Variants in CSMD1 observed in about 807,000 individuals in gnomAD.
CSMD1 encodes CUB and Sushi multiple domains 1.
Under a neutral mutation model 417.5 loss-of-function variants are expected in CSMD1, and 213 were observed. That is an observed-to-expected ratio of 0.51 (90% CI 0.46 to 0.57). The LOEUF is 0.57. CSMD1 is among the 20% of genes least tolerant of loss of function. The pLI, the probability that CSMD1 is intolerant of heterozygous loss-of-function variation, is 0.00. For missense variants in CSMD1, 6,923 were observed against 4,529.7 expected (o/e 1.53, Z -15.17); for synonymous variants, 2,862 against 1,736.8 (o/e 1.65, Z -16.11).
At chr8:3,660,958 G>A (rs73661613) in intron 7 of CSMD1, among the ~76,000 whole-genome samples, 22,587 of 152,194 alleles carry the variant, frequency 0.15, 2,222 homozygotes, top group East Asian at 0.37. Context: ...ACTGACAGGT[G>A]TGAAGCAGAG....
intron 3 of CSMD1, among the ~76,000 whole-genome samples, chr8:4,041,398 A>G (rs928084773): frequency 2.6e-5 from 4 of 152,190 alleles, no homozygotes; most frequent in African/African-American, 9.7e-5. Flanking sequence ...GTTAAATGCA[A>G]ATCAAGCTTA....
intron 5 of CSMD1, among the ~76,000 whole-genome samples, chr8:3,786,390 G>A (rs1256794792): frequency 2.0e-5 from 3 of 152,078 alleles, no homozygotes; most frequent in African/African-American, 7.2e-5. Context: ...AGAGTGAGAA[G>A]AAGAGGATCG....
intron 3 of CSMD1, among the ~76,000 whole-genome samples, chr8:4,363,444 G>A (rs1801890885): frequency 6.6e-6 from 1 of 152,246 alleles, no homozygotes; most frequent in South Asian, 2.1e-4. Context: ...CCCTCATTTA[G>A]GGTCTTTCCA....
chr8:3,735,819 T>A (rs1796497312), intron 6 of CSMD1, among the ~76,000 whole-genome samples: 1 of 152,214 alleles, frequency 6.6e-6, no homozygotes, highest in African/African-American at 2.4e-5. Flanking sequence ...TTTCTATCAG[T>A]ATTCATTTTG....
At chr8:4,793,628 C>G (rs1194516901) in intron 1 of CSMD1, among the ~76,000 whole-genome samples, 1 of 151,922 alleles carries the variant, frequency 6.6e-6, no homozygotes, top group Non-Finnish European at 1.5e-5. Context: ...AAAAAAAATA[C>G]AGCACTAATT....
rs915713338 is a variant in CSMD1 at position 4,110,696 on chromosome 8, A to T, written c.416-78597T>A. ...TACCTAAGAAAATGTTTTGCTGCTT[A>T]TAATTTCAGGGTTTTTTTTCCCCTT... is the stretch of plus-strand genomic sequence containing the variant. On this transcript the variant is annotated intron_variant, in intron 3 of 69. Transcript: ENST00000635120. Among the ~76,000 whole-genome samples, 9 of 152,174 alleles carry T rather than the reference A, an allele frequency of 5.9e-5. No homozygotes were observed. The South Asian group carries it at 6.2e-4, about 11-fold the overall frequency.
intron 2 of CSMD1, among the ~76,000 whole-genome samples, chr8:4,486,180 CATATATAT>C (rs559383827): frequency 0.022 from 390 of 17,598 alleles, 15 homozygotes; most frequent in African/African-American, 0.06. Context: ...TATATACATA[CATATATAT>C]ATATATATAT....
intron 3 of CSMD1, among the ~76,000 whole-genome samples, chr8:4,279,152 G>A (rs1013528864): frequency 2.6e-5 from 4 of 152,006 alleles, no homozygotes; most frequent in African/African-American, 7.3e-5. Context: ...ACGTGCAAAG[G>A]AAATTATTCC....
intron 1 of CSMD1, among the ~76,000 whole-genome samples, chr8:4,903,118 C>T (rs935105202): frequency 6.6e-6 from 1 of 151,892 alleles, no homozygotes; most frequent in African/African-American, 2.4e-5. Flanking sequence ...ATGAACTTAC[C>T]TTTGCTCTAT....
chr8:3,972,907 C>T (rs1322825134), intron 5 of CSMD1, among the ~76,000 whole-genome samples: 1 of 151,962 alleles, frequency 6.6e-6, no homozygotes, highest in Non-Finnish European at 1.5e-5. Flanking sequence ...AAATGGAAAA[C>T]AACCTAAATG....
At chr8:2,964,266 C>T (rs1321455254) in intron 59 of CSMD1, among the ~76,000 whole-genome samples, 1 of 152,238 alleles carries the variant, frequency 6.6e-6, no homozygotes, top group Non-Finnish European at 1.5e-5. Context: ...ACACAAATCA[C>T]ATGTGCACAC....
At chr8:3,749,468 G>A (rs1013054921) in intron 6 of CSMD1, among the ~76,000 whole-genome samples, 1 of 152,184 alleles carries the variant, frequency 6.6e-6, no homozygotes, top group Non-Finnish European at 1.5e-5. Context: ...AGAGGTGAAA[G>A]TCAAAGAAGA....
At position 4,286,037 on chromosome 8, in the gene CSMD1, G is replaced by A. The variant is rs549336934; in HGVS notation, c.415+133916C>T. Among the ~76,000 whole-genome samples the A allele has an allele frequency of 3.9e-5, 6 of 152,246 alleles. No individual in the cohort carries two copies. In the South Asian group the frequency reaches 1.2e-3, roughly 32 times the overall value. Reference sequence around the variant, plus strand: ...AAAAAGCTCTCTCTGCCTTGGCTTAGTGGAATTTGTAGTTACATCCCTAAG... The same window carrying A: ...AAAAAGCTCTCTCTGCCTTGGCTTAATGGAATTTGTAGTTACATCCCTAAG... On this transcript the variant is annotated intron_variant, in intron 3 of 69. Coordinates refer to ENST00000635120, the MANE Select transcript of CSMD1 (RefSeq NM_033225.6).
intron 5 of CSMD1, among the ~76,000 whole-genome samples, chr8:3,960,284 A>C (rs1014323886): frequency 2.6e-5 from 4 of 152,180 alleles, no homozygotes; most frequent in Non-Finnish European, 4.4e-5. Context: ...TCTAATAAGG[A>C]ATTTAGCAAA....
chr8:4,098,260 A>T (rs1801127120), intron 3 of CSMD1, among the ~76,000 whole-genome samples: 1 of 152,204 alleles, frequency 6.6e-6, no homozygotes, highest in African/African-American at 2.4e-5. Context: ...AATGTACTTC[A>T]GATGTAATGG....
At chr8:3,634,692 G>C (rs182674388) in intron 7 of CSMD1, among the ~76,000 whole-genome samples, 2 of 152,130 alleles carry the variant, frequency 1.3e-5, no homozygotes, top group African/African-American at 4.8e-5. Context: ...GAAATGAAAG[G>C]TGTGATTAGA....
chr8:4,245,557 T>C (rs552400472), intron 3 of CSMD1, among the ~76,000 whole-genome samples: 107 of 152,288 alleles, frequency 7.0e-4, no homozygotes, highest in African/African-American at 1.8e-3. Flanking sequence ...ACATGAGGTG[T>C]GTAGAGGAAA....
chr8:3,973,573 T>G (rs1200240786), intron 5 of CSMD1, among the ~76,000 whole-genome samples: 2 of 152,182 alleles, frequency 1.3e-5, no homozygotes, highest in African/African-American at 4.8e-5. Flanking sequence ...ATTCTAGAAT[T>G]TTAAAAAAGA....
intron 3 of CSMD1, among the ~76,000 whole-genome samples, chr8:4,198,522 G>T (rs988069966): frequency 2.0e-5 from 3 of 152,154 alleles, no homozygotes; most frequent in Non-Finnish European, 4.4e-5. Flanking sequence ...GGATTTGGGG[G>T]ATGAGAAAGA....
Sources: allele counts gnomAD v4.1 joint callset (sites outside exome capture counted in the v4.1 genomes callset), GRCh38; gene constraint gnomAD v4.1.1; transcripts MANE v1.5; gene names NCBI Gene and HGNC (gene_info 2026-07-23, HGNC 2026-07-21).